Variants in ACTR3C observed in about 807,000 individuals in gnomAD.
ACTR3C encodes actin-related protein 3C.
In ACTR3C, 18 loss-of-function variants were observed where a neutral mutation model predicts 26.3. The ratio of observed to expected loss-of-function variants is 0.68; its 90% CI spans 0.47 to 1.01. ACTR3C has a LOEUF of 1.01. Ranked by LOEUF, ACTR3C falls within the 50% of genes least tolerant of loss-of-function variation. ACTR3C has a pLI of 0.00. For synonymous variants in ACTR3C, 55 were observed against 94.5 expected, an observed-to-expected ratio of 0.58 and a Z score of 2.42; for missense variants, 184 against 250.7, an observed-to-expected ratio of 0.73 and a Z score of 1.80.
At chr7:150,230,234 A>G in the ACTR3C span, among the ~76,000 whole-genome samples, 3 of 151,966 alleles carry the variant, frequency 2.0e-5, no homozygotes, top group Non-Finnish European at 2.9e-5. Flanking sequence ...CAAAAAAAAG[A>G]AAGAAAAAAA....
intron 1 of ACTR3C, among the ~76,000 whole-genome samples, chr7:150,299,683 G>A (rs1795272884): frequency 6.6e-6 from 1 of 152,012 alleles, no homozygotes. Context: ...CCAGTCGGGT[G>A]GCTGAGGCAG....
chr7:149,920,395 C>G, the ACTR3C span, among the ~76,000 whole-genome samples: 4 of 151,164 alleles, frequency 2.6e-5, no homozygotes, highest in African/African-American at 9.7e-5. Context: ...TAACCTCGAA[C>G]TCTTAGATTC....
At chr7:149,957,736 GAGACAACTCCTCT>G in the ACTR3C span, among the ~76,000 whole-genome samples, 2 of 150,580 alleles carry the variant, frequency 1.3e-5, no homozygotes, top group Non-Finnish European at 2.9e-5. Context: ...ATAAGCGTAT[GAGACAACTCCTCT>G]GATAAATCCC....
At chr7:150,309,199 G>T (rs1796069601) in intron 1 of ACTR3C, among the ~76,000 whole-genome samples, 1 of 152,128 alleles carries the variant, frequency 6.6e-6, no homozygotes, top group Non-Finnish European at 1.5e-5. Context: ...GGCTAAAAAA[G>T]GCAGCATACA....
intron 1 of ACTR3C, among the ~76,000 whole-genome samples, chr7:150,311,708 T>G (rs997397790): frequency 6.6e-6 from 1 of 152,228 alleles, no homozygotes; most frequent in Non-Finnish European, 1.5e-5. Flanking sequence ...AGTTTATTGA[T>G]GGCAGTTCCT....
At chr7:150,086,628 CA>C in the ACTR3C span, among the ~76,000 whole-genome samples, 2 of 152,248 alleles carry the variant, frequency 1.3e-5, no homozygotes, top group South Asian at 2.1e-4. Flanking sequence ...CTGCACTAGC[CA>C]GGGCAATCCT....
the ACTR3C span, among the ~76,000 whole-genome samples, chr7:150,196,229 G>C: frequency 6.6e-6 from 1 of 151,884 alleles, no homozygotes; most frequent in Non-Finnish European, 1.5e-5. Context: ...ATACTTTTGG[G>C]GTTTCAATAA....
At chr7:150,037,387 CT>C in the ACTR3C span, among the ~76,000 whole-genome samples, 6 of 52,538 alleles carry the variant, frequency 1.1e-4, no homozygotes, top group Non-Finnish European at 1.9e-4. Flanking sequence ...TGCCTCCCCC[CT>C]CTGCGATGGG....
the ACTR3C span, among the ~76,000 whole-genome samples, chr7:150,233,087 C>A: frequency 2.6e-5 from 4 of 152,224 alleles, no homozygotes; most frequent in Middle Eastern, 3.4e-3. Flanking sequence ...ATTTGAGTTT[C>A]TGAACTTTAT....
chr7:149,995,335 T>C, the ACTR3C span, among the ~76,000 whole-genome samples: 1 of 152,252 alleles, frequency 6.6e-6, no homozygotes, highest in African/African-American at 2.4e-5. Context: ...TTTACTCTTC[T>C]CTTTCCATTG....
At chr7:150,033,693 T>G in the ACTR3C span, among the ~76,000 whole-genome samples, 1 of 133,708 alleles carries the variant, frequency 7.5e-6, no homozygotes, top group African/African-American at 2.8e-5. Context: ...CTCCCCCACT[T>G]GCGATGGGGG....
chr7:150,274,176 C>A lies in ACTR3C; in HGVS notation c.564+10577G>T, dbSNP rs1012300921. Among the ~76,000 whole-genome samples the A allele has an allele frequency of 2.6e-5, 4 of 152,126 alleles. No individual in the cohort carries two copies. The highest frequency in any genetic ancestry group is 4.8e-5 in the African/African-American group (2 of 41,386). On this transcript the variant is annotated intron_variant, in intron 6 of 7. Coordinates refer to ENST00000683684, the MANE Select transcript of ACTR3C (RefSeq NM_001164458.2). The surrounding 1 kb of genome is among the most constrained non-coding windows in gnomAD (Gnocchi z 4.1). ...GTGGGAAAAAGCGCCGAGGTGCAGT[C>A]TAGAGCAGGGTGGTCAGGACGCCTC...
the ACTR3C span, among the ~76,000 whole-genome samples, chr7:150,127,763 T>C: frequency 3.3e-5 from 5 of 152,090 alleles, no homozygotes; most frequent in African/African-American, 7.2e-5. Flanking sequence ...CTTTCCTCTA[T>C]GAACTAATTC....
chr7:150,080,768 A>T, the ACTR3C span, among the ~76,000 whole-genome samples: 1 of 152,200 alleles, frequency 6.6e-6, no homozygotes, highest in Non-Finnish European at 1.5e-5. Context: ...TATGAGCTCC[A>T]AGAAAAAGAC....
At chr7:150,064,817 A>G in the ACTR3C span, among the ~76,000 whole-genome samples, 4 of 152,150 alleles carry the variant, frequency 2.6e-5, no homozygotes, top group African/African-American at 9.6e-5. Context: ...GGTCTCTAAT[A>G]TCAAGGAGAG....
the ACTR3C span, among the ~76,000 whole-genome samples, chr7:150,035,298 C>G: frequency 4.9e-5 from 3 of 61,114 alleles, 1 homozygote; most frequent in South Asian, 1.6e-3. Context: ...GTGCCTCCCC[C>G]CCCTTGCGAT....
chr7:150,282,096 G>A (rs556738385), intron 6 of ACTR3C, among the ~76,000 whole-genome samples: 18 of 142,766 alleles, frequency 1.3e-4, no homozygotes, highest in African/African-American at 2.9e-4. Context: ...CCCTTTCTTC[G>A]TGGCTACATG....
chr7:150,041,011 A>AGGCTACC, the ACTR3C span, among the ~76,000 whole-genome samples: 3 of 150,678 alleles, frequency 2.0e-5, no homozygotes, highest in Non-Finnish European at 2.9e-5. Flanking sequence ...TTAGAGACGT[A>AGGCTACC]GGCTACCGGC....
chr7:150,047,105 G>A, the ACTR3C span, among the ~76,000 whole-genome samples: 2 of 151,740 alleles, frequency 1.3e-5, no homozygotes, highest in Non-Finnish European at 2.9e-5. Context: ...GAAGAGGAAC[G>A]AAGGAGAGGC....
Sources: allele counts gnomAD v4.1 joint callset (sites outside exome capture counted in the v4.1 genomes callset), GRCh38; gene constraint gnomAD v4.1.1; non-coding constraint Gnocchi (gnomAD v3.1); transcripts MANE v1.5; gene names NCBI Gene and HGNC (gene_info 2026-07-23, HGNC 2026-07-21).